TRPM4: variants seen among roughly 807,000 people sequenced by gnomAD.
The protein encoded by TRPM4 is transient receptor potential cation channel subfamily M member 4.
A neutral mutation model predicts 135.6 loss-of-function variants in TRPM4; 124 were observed. The ratio of observed to expected loss-of-function variants is 0.91; its 90% CI spans 0.79 to 1.06. The LOEUF (loss-of-function observed/expected upper bound fraction) is 1.06. Ranked by LOEUF, TRPM4 falls within the 50% of genes least tolerant of loss-of-function variation. The pLI, the probability that TRPM4 is intolerant of heterozygous loss-of-function variation, is 0.00. For synonymous variants in TRPM4, 745 were observed against 705.6 expected, an observed-to-expected ratio of 1.06 and a Z score of -0.88; for missense variants, 1,658 against 1,671.4, an observed-to-expected ratio of 0.99 and a Z score of 0.14.
At position 49,200,637 on chromosome 19, in the gene TRPM4, C is replaced by T. The variant is rs1008862252; in HGVS notation, c.2805C>T (p.Phe935=). The change falls in exon 19 of 25, where the codon TTC becomes TTT. Residue 935 remains phenylalanine, a synonymous_variant. Coordinates refer to ENST00000252826, the MANE Select transcript of TRPM4 (RefSeq NM_017636.4). The part of the protein sequence containing the change: ...KMMKDVFFFL[F]FLGVWLVAYG... ...TGAAGGACGTGTTCTTCTTCCTCTTCTTCCTCGGCGTGTGGCTGGTAGCCT... is the reference window on the plus strand; with the variant it reads ...TGAAGGACGTGTTCTTCTTCCTCTTTTTCCTCGGCGTGTGGCTGGTAGCCT... The T allele has an allele frequency of 2.5e-6, 4 of 1,613,688 alleles. No individual in the cohort carries two copies. The highest frequency in any genetic ancestry group is 3.4e-6 in the Non-Finnish European group (4 of 1,180,022).
intron 2 of TRPM4, among the ~76,000 whole-genome samples, chr19:49,164,371 T>TTTTG (rs1967091758): frequency 1.2e-5 from 1 of 80,932 alleles, no homozygotes; most frequent in Non-Finnish European, 2.4e-5. Flanking sequence ...TTAGTTTTTT[T>TTTTG]TTTTTTTTTT....
At chr19:49,176,837 C>T (rs1341644355) in intron 9 of TRPM4, among the ~76,000 whole-genome samples, 5 of 152,078 alleles carry the variant, frequency 3.3e-5, no homozygotes, top group Non-Finnish European at 5.9e-5. Context: ...GGCGACAGAG[C>T]GAGACTCTGT....
chr19:49,160,730 T>G (rs571317422), intron 2 of TRPM4, among the ~76,000 whole-genome samples: 1 of 152,092 alleles, frequency 6.6e-6, no homozygotes, highest in Non-Finnish European at 1.5e-5. Flanking sequence ...TGGGGTTGGC[T>G]CTGGGTGTGG....
chr19:49,211,633 AG>A lies in TRPM4; in HGVS notation c.*137del. ...CCCCATGTCCATCTGGGCCACTGTC[AG>A]GACCACCTTTGGGAGTGTCATCCTT... On this transcript the variant is annotated 3_prime_UTR_variant, in exon 25 of 25. Transcript: ENST00000252826. The surrounding 1 kb of genome is among the most constrained non-coding windows in gnomAD (Gnocchi z 4.8). 1 of 1,140,254 alleles carries A rather than the reference AG, an allele frequency of 8.8e-7. No homozygotes were observed. Among genetic ancestry groups the A allele is most frequent in the Non-Finnish European group, 1.3e-6 (1 of 758,526 alleles). 70.6% of individuals were successfully genotyped at this position (1,140,254 alleles called of 1,614,324 possible). A position where few individuals can be genotyped will look rare whatever the true frequency, so the allele number is the denominator to read the frequency against.
intron 17 of TRPM4, 111 bp from the exon 18 acceptor site, chr19:49,200,189 G>GT (rs1434047099): frequency 1.3e-6 from 2 of 1,549,594 alleles, no homozygotes; most frequent in Non-Finnish European, 1.8e-6. Context: ...GAGGGTCCTG[G>GT]TCCTGCCCGG....
At chr19:49,181,521 C>T in intron 10 of TRPM4, 60 bp downstream of exon 10, 1 of 941,138 alleles carries the variant, frequency 1.1e-6, no homozygotes. Context: ...TGTCCTCCCT[C>T]TCTGCCTTCT....
rs1448238986 is a variant in TRPM4 at position 49,189,053 on chromosome 19, G to C, written c.1981G>C (p.Ala661Pro). Reference protein sequence around the residue: ...DATCLQLAMQADARAFFAQDG... With the variant: ...DATCLQLAMQPDARAFFAQDG... ...CACTTGCCTCCAGCTGGCCATGCAA[G>C]CTGACGCCCGTGCCTTCTTTGCCCA... The change falls in exon 14 of 25, where the codon GCT becomes CCT. Residue 661 changes from alanine to proline, a missense_variant. Physicochemically the swap from Ala to Pro is conservative, Grantham distance 27. This residue lies in a region of TRPM4 where 1,412 missense variants were observed against 1,408.7 expected (regional missense o/e 1.00). Transcript: ENST00000252826. The C allele has an allele frequency of 6.2e-7, 1 of 1,614,052 alleles. No homozygotes were observed. The highest frequency in any genetic ancestry group is 8.5e-7 in the Non-Finnish European group (1 of 1,180,028).
intron 2 of TRPM4, 141 bp downstream of exon 2, chr19:49,158,400 C>G (rs1282700278): frequency 2.5e-6 from 2 of 792,876 alleles, no homozygotes; most frequent in Non-Finnish European, 4.4e-6. Context: ...CGACGCTCTC[C>G]CTCTAGGAGC....
intron 16 of TRPM4, among the ~76,000 whole-genome samples, chr19:49,192,041 G>A (rs1241478609): frequency 4.6e-5 from 7 of 152,286 alleles, no homozygotes; most frequent in Admixed American, 2.0e-4. Flanking sequence ...TATTTTGTTC[G>A]TGGTCCCAAG....
intron 9 of TRPM4, among the ~76,000 whole-genome samples, chr19:49,176,981 TTA>T (rs1491310735): frequency 1.3e-5 from 2 of 152,100 alleles, no homozygotes; most frequent in Non-Finnish European, 2.9e-5. Flanking sequence ...TACAGGAGTG[TTA>T]TAAGCCTCCA....
intron 20 of TRPM4, among the ~76,000 whole-genome samples, chr19:49,206,686 G>A (rs889735809): frequency 7.9e-5 from 12 of 152,088 alleles, no homozygotes; most frequent in East Asian, 1.9e-4. Flanking sequence ...TGATCCACCC[G>A]CCTTGGCCTC....
chr19:49,200,267 A>C, intron 17 of TRPM4, 33 bp from the exon 18 acceptor site: 1 of 1,614,110 alleles, frequency 6.2e-7, no homozygotes, highest in Non-Finnish European at 8.5e-7. Flanking sequence ...GTCTTGTGAC[A>C]CTTGACCCTT....
chr19:49,174,498 C>T (rs1967598894), intron 9 of TRPM4, among the ~76,000 whole-genome samples: 1 of 151,834 alleles, frequency 6.6e-6, no homozygotes, highest in South Asian at 2.1e-4. Flanking sequence ...CAGTGGCTCA[C>T]ACGTGTAATT....
At chr19:49,158,169 C>T in intron 1 of TRPM4, 23 bp from the exon 2 acceptor site, 1 of 1,611,524 alleles carries the variant, frequency 6.2e-7, no homozygotes, top group Non-Finnish European at 8.5e-7. Flanking sequence ...CACTTCCACC[C>T]CTACATTTGT....
In TRPM4 at chr19:49,188,621, T is replaced by G; in HGVS notation, c.1744-20T>G. 6.2e-7 allele frequency: 1 copy of G among 1,614,200 alleles called. No individual in the cohort carries two copies. Among genetic ancestry groups the G allele is most frequent in the Non-Finnish European group, 8.5e-7 (1 of 1,180,050 alleles). On this transcript the variant is annotated intron_variant, in intron 12 of 24. Transcript: ENST00000252826. Reference sequence around the variant, plus strand: ...CTATGAACCCTCTTTGACGCATCCGTGCCCTCTTTGTCTCTCCAGGGTTCC... The same window carrying G: ...CTATGAACCCTCTTTGACGCATCCGGGCCCTCTTTGTCTCTCCAGGGTTCC...
rs377359117 is a variant in TRPM4, at chr19:49,200,415, G to A, written c.2761G>A (p.Val921Ile). The change falls in exon 18 of 25, where the codon GTC becomes ATC. Residue 921 changes from valine (V) to isoleucine (I), a missense_variant. Physicochemically the swap from Val to Ile is conservative, Grantham distance 29. This residue lies in a region of TRPM4 where 1,412 missense variants were observed against 1,408.7 expected (regional missense o/e 1.00). Transcript: ENST00000252826. The part of the protein sequence containing the change: ...TVNKQLGPKI[V>I]IVSKMMKDVF... ...CAACAAACAGCTGGGGCCCAAGATC[G>A]TCATCGTGAGCAAGATGGTGAGGCA... 6.3e-5 allele frequency: 101 copies of A among 1,605,856 alleles called. 1 individual carries two copies. In the Middle Eastern group the frequency reaches 1.3e-3, roughly 21 times the overall value.
In TRPM4 at chr19:49,167,796, CTCTCTCTGGGTCTCTGTCCCCG is replaced by C. The variant is rs1422678187; in HGVS notation, c.268-55_268-34del. The C allele has an allele frequency of 2.4e-3, 1,601 of 657,372 alleles. 172 individuals carry two copies. Among genetic ancestry groups the C allele is most frequent in the South Asian group, 4.8e-3 (278 of 57,612 alleles). The allele number at this position is 657,372 out of a possible 1,614,324, so 40.7% of individuals were successfully genotyped here. On this transcript the variant is annotated intron_variant, in intron 3 of 24. Transcript: ENST00000252826. The stretch of plus-strand genomic sequence containing the variant: ...CCCATCTCTCTGGGTCTCTGTCCCT[CTCTCTCTGGGTCTCTGTCCCCG>C]TCTCTCTGGGTCTCTGTCCCCGTCT...
intron 9 of TRPM4, among the ~76,000 whole-genome samples, chr19:49,173,602 GAAAACC>G (rs2122852079): frequency 6.6e-6 from 1 of 152,306 alleles, no homozygotes; most frequent in South Asian, 2.1e-4. Context: ...ACGGAATGAT[GAAAACC>G]AAGGCGGGGG....
At chr19:49,202,829 C>T (rs1007488827) in intron 20 of TRPM4, among the ~76,000 whole-genome samples, 7 of 151,412 alleles carry the variant, frequency 4.6e-5, no homozygotes, top group Non-Finnish European at 1.0e-4. Flanking sequence ...CGCGCCCAGC[C>T]AACTTTGTTT....
Sources: gnomAD v4.1 joint callset for allele counts (sites outside exome capture counted in the v4.1 genomes callset) on GRCh38, gnomAD v4.1.1 for gene constraint, gnomAD v4.1.1 regional missense constraint, Gnocchi (gnomAD v3.1) non-coding constraint, MANE v1.5 for transcripts, NCBI Gene and HGNC (gene_info 2026-07-23, HGNC 2026-07-21) for gene names.